MROH2B: variants seen among roughly 807,000 people sequenced by gnomAD.
The protein encoded by MROH2B is maestro heat-like repeat-containing protein family member 2B.
In MROH2B, 177 loss-of-function variants were observed where a neutral mutation model predicts 208.6. The ratio of observed to expected loss-of-function variants is 0.85; its 90% CI spans 0.75 to 0.96. The LOEUF is 0.96. Ranked by LOEUF, MROH2B falls within the 40% of genes least tolerant of loss-of-function variation. MROH2B has a pLI of 0.00. For synonymous variants in MROH2B, 728 were observed against 659.0 expected (o/e 1.10, Z -1.60); for missense variants, 2,002 against 1,878.7 (o/e 1.07, Z -1.21).
intron 4 of MROH2B, 144 bp from the exon 5 acceptor site, chr5:41,064,714 C>T (rs1335529749): frequency 3.5e-6 from 2 of 577,268 alleles, no homozygotes; most frequent in East Asian, 5.7e-5. Context: ...ATAATTCCGC[C>T]ATCTCTACCC....
intron 2 of MROH2B, among the ~76,000 whole-genome samples, chr5:41,069,427 C>A (rs1336863927): frequency 1.3e-5 from 2 of 152,148 alleles, no homozygotes; most frequent in Non-Finnish European, 2.9e-5. Flanking sequence ...CTGACATACA[C>A]CTTTCAACAT....
rs541232205 is a variant in MROH2B, at chr5:41,028,385, G to T, written c.2441+4357C>A. On this transcript the variant is annotated intron_variant, in intron 24 of 41. Coordinates refer to ENST00000399564, the MANE Select transcript of MROH2B (RefSeq NM_173489.5). Reference sequence around the variant, plus strand: ...CTATTATTAAATATACTCCTAGGTTGTACATTATTAAATCTTTAGACTTAT... The same window carrying T: ...CTATTATTAAATATACTCCTAGGTTTTACATTATTAAATCTTTAGACTTAT... Among the ~76,000 whole-genome samples the T allele has an allele frequency of 1.5e-3, 228 of 152,212 alleles. 1 individual carries two copies. The highest frequency in any genetic ancestry group is 5.4e-3 in the African/African-American group (224 of 41,530).
At position 41,056,849 on chromosome 5, in the gene MROH2B, G is replaced by T. The variant is rs1181600275; in HGVS notation, c.919+260C>A. On this transcript the variant is annotated intron_variant, in intron 9 of 41. Transcript: ENST00000399564. Reference sequence around the variant, plus strand: ...CTCCAGTTTTCCAAGGACTTCCTTGGTTTGAGAACTGAAAATTTTATCTCC... The same window carrying T: ...CTCCAGTTTTCCAAGGACTTCCTTGTTTTGAGAACTGAAAATTTTATCTCC... 2.0e-5 allele frequency among the ~76,000 whole-genome samples: 3 copies of T among 151,824 alleles called. No homozygotes were observed. The East Asian group carries it at 5.8e-4, about 29-fold the overall frequency.
rs766181465 is a variant in MROH2B at position 41,054,849 on chromosome 5, CAGAG to C, written c.1034-13_1034-10del. On this transcript the variant is annotated splice_polypyrimidine_tract_variant and intron_variant, in intron 10 of 41. Transcript: ENST00000399564. ...ATCCCTCAACCTGGGCTCTGAAAGA[CAGAG>C]GGAGAAATTGAGAGGCCTGACTCAA... 16 of 1,602,732 alleles carry C rather than the reference CAGAG, an allele frequency of 1.0e-5. No homozygotes were observed. Among genetic ancestry groups the C allele is most frequent in the Non-Finnish European group, 1.2e-5 (14 of 1,173,424 alleles).
At chr5:41,052,851 T>C (rs934423204) in intron 11 of MROH2B, among the ~76,000 whole-genome samples, 9 of 152,184 alleles carry the variant, frequency 5.9e-5, no homozygotes. Context: ...AAATCCAAAT[T>C]CTGAAATGCT....
chr5:41,023,262 C>T lies in MROH2B; in HGVS notation c.2442-4244G>A, dbSNP rs1032406106. Among the ~76,000 whole-genome samples, 38 of 152,184 alleles carry T rather than the reference C, an allele frequency of 2.5e-4. 1 individual carries two copies. Among genetic ancestry groups the T allele is most frequent in the East Asian group, 1.2e-3 (6 of 5,174 alleles). ...CTTCTCCGAGCTAAAGGAGGAAGTT[C>T]GAACCCATCGCAAGGAAGCTAAAAA... On this transcript the variant is annotated intron_variant, in intron 24 of 41. Coordinates refer to ENST00000399564, the MANE Select transcript of MROH2B (RefSeq NM_173489.5).
At chr5:41,045,913 A>G (rs2150173714) in intron 17 of MROH2B, 60 bp from the exon 18 acceptor site, 1 of 1,207,864 alleles carries the variant, frequency 8.3e-7, no homozygotes, top group East Asian at 2.4e-5. Context: ...TTCTTGGCAT[A>G]TTTTTGGTTA....
rs562749956 is a variant in MROH2B, at chr5:41,069,733, G to A, written c.48C>T (p.Asn16=). ...EESIEMFGDI[N]LTLGMLNKED... is the part of the protein sequence containing the mutation. ...CCTTGTTCAGCATGCCAAGAGTGAGGTTAATATCCCCAAACATCTCTAAAA... is the reference window on the plus strand; with the variant it reads ...CCTTGTTCAGCATGCCAAGAGTGAGATTAATATCCCCAAACATCTCTAAAA... Residue 16 remains asparagine (N), a synonymous_variant, in exon 2 of 42, where the codon AAC becomes AAT. Coordinates refer to ENST00000399564, the MANE Select transcript of MROH2B (RefSeq NM_173489.5). 1 of 1,606,510 alleles carries A rather than the reference G, an allele frequency of 6.2e-7. No homozygotes were observed. Among genetic ancestry groups the A allele is most frequent in the African/African-American group, 1.3e-5 (1 of 74,748 alleles).
chr5:41,062,248 A>G (rs1292825838), intron 5 of MROH2B, among the ~76,000 whole-genome samples: 2 of 152,246 alleles, frequency 1.3e-5, no homozygotes, highest in South Asian at 4.1e-4. Context: ...TTCTATAGAC[A>G]TGTAATAGAA....
chr5:41,009,257 T>C, intron 32 of MROH2B, 23 bp downstream of exon 32: 1 of 1,612,360 alleles, frequency 6.2e-7, no homozygotes, highest in Non-Finnish European at 8.5e-7. Context: ...AGGCAAGTGA[T>C]GGGTTCAGGC....
chr5:41,027,280 A>G (rs1368222037), intron 24 of MROH2B, among the ~76,000 whole-genome samples: 4 of 152,222 alleles, frequency 2.6e-5, no homozygotes, highest in Non-Finnish European at 5.9e-5. Context: ...AATTTTTGCA[A>G]TCTACTCATC....
intron 41 of MROH2B, 95 bp from the exon 42 acceptor site, chr5:40,998,253 G>A: frequency 1.1e-6 from 1 of 923,140 alleles, no homozygotes; most frequent in Non-Finnish European, 1.7e-6. Context: ...TAGCACTGAG[G>A]GTCAGACCCA....
At chr5:41,009,517 C>T in intron 31 of MROH2B, 111 bp from the exon 32 acceptor site, 1 of 1,341,200 alleles carries the variant, frequency 7.5e-7, no homozygotes, top group Non-Finnish European at 1.0e-6. Context: ...ATTTCAAGGG[C>T]AGATGGACAT....
chr5:41,061,612 C>A lies in MROH2B; in HGVS notation c.573G>T (p.Trp191Cys). Residue 191 changes from tryptophan (W) to cysteine (C), a missense_variant, in exon 6 of 42, where the codon TGG (tryptophan) becomes TGT (cysteine). Transcript: ENST00000399564. ...RLSDKIFMLFWYIMEKWAPLA... is the reference protein window; with the variant it reads ...RLSDKIFMLFCYIMEKWAPLA... ...AAGGGGCCCACTTCTCCATTATATA[C>A]CAGAACAGCATGAAGATCTTGTCAG... is the stretch of plus-strand genomic sequence containing the variant. 3.1e-6 allele frequency: 5 copies of A among 1,613,858 alleles called. No individual in the cohort carries two copies. Among genetic ancestry groups the A allele is most frequent in the Non-Finnish European group, 4.2e-6 (5 of 1,179,826 alleles).
At chr5:41,008,838 C>T in intron 32 of MROH2B, 45 bp from the exon 33 acceptor site, 1 of 1,554,748 alleles carries the variant, frequency 6.4e-7, no homozygotes, top group Non-Finnish European at 8.7e-7. Flanking sequence ...TCATTTTCTC[C>T]AAGGCCATCT....
chr5:41,003,121 C>T (rs909440503), intron 37 of MROH2B, among the ~76,000 whole-genome samples: 2 of 151,990 alleles, frequency 1.3e-5, no homozygotes, highest in East Asian at 1.9e-4. Flanking sequence ...CCGCCACACC[C>T]AGCTAATTTT....
chr5:41,006,931 A>G (rs895297313), intron 34 of MROH2B, among the ~76,000 whole-genome samples: 1 of 152,176 alleles, frequency 6.6e-6, no homozygotes, highest in Non-Finnish European at 1.5e-5. Context: ...AATCATCACT[A>G]AAGAACTTAT....
chr5:41,068,489 A>T (rs897396478), intron 2 of MROH2B, among the ~76,000 whole-genome samples: 2 of 152,166 alleles, frequency 1.3e-5, no homozygotes, highest in Non-Finnish European at 2.9e-5. Flanking sequence ...TAGATGAGGA[A>T]ATTGAGTCCC....
At chr5:41,051,141 C>T in intron 12 of MROH2B, 51 bp from the exon 13 acceptor site, 1 of 1,228,836 alleles carries the variant, frequency 8.1e-7, no homozygotes, top group Non-Finnish European at 1.1e-6. Flanking sequence ...AAGGTTGGTC[C>T]CCTCTGACTT....
Sources: allele counts gnomAD v4.1 joint callset (sites outside exome capture counted in the v4.1 genomes callset), GRCh38; gene constraint gnomAD v4.1.1; transcripts MANE v1.5; gene names NCBI Gene and HGNC (gene_info 2026-07-23, HGNC 2026-07-21).